Variants in GRAMD2A observed in about 807,000 individuals in gnomAD.
GRAMD2A encodes GRAM domain-containing protein 2A.
GRAMD2A carries 37 observed loss-of-function variants against 51.1 expected under a neutral mutation model. The observed-to-expected ratio is 0.72, with a 90% confidence interval of 0.56 to 0.95. The LOEUF is 0.95. Ranked by LOEUF, GRAMD2A falls within the 40% of genes least tolerant of loss-of-function variation. The pLI, the probability that GRAMD2A is intolerant of heterozygous loss-of-function variation, is 0.00. For missense variants in GRAMD2A, 414 were observed against 426.9 expected (o/e 0.97, Z 0.27); for synonymous variants, 136 against 157.1 (o/e 0.87, Z 1.01).
rs1453658661 is a variant in GRAMD2A, at chr15:72,167,808, G to A, written c.300C>T (p.Leu100=). ...VCSCALQRDF[L]LQGRLYISPN... is the part of the protein sequence containing the mutation. ...GGGAGATGTAGAGCCGGCCCTGGAG[G>A]AGGAAGTCCCTCTGGAGGGCACAGG... The change falls in exon 5 of 12, where the codon CTC becomes CTT. Residue 100 remains leucine (L), a synonymous_variant. Coordinates refer to ENST00000309731, the MANE Select transcript of GRAMD2A (RefSeq NM_001012642.3). 6.2e-7 allele frequency: 1 copy of A among 1,614,088 alleles called. No homozygotes were observed. Among genetic ancestry groups the A allele is most frequent in the Admixed American group, 1.7e-5 (1 of 60,018 alleles).
intron 4 of GRAMD2A, 50 bp from the exon 5 acceptor site, chr15:72,167,889 A>C: frequency 7.3e-7 from 1 of 1,369,602 alleles, no homozygotes; most frequent in Non-Finnish European, 1.0e-6. Flanking sequence ...CAGCCCAGGA[A>C]GCCCCAGGAC....
chr15:72,178,040 T>TTAA (rs2081668028), intron 1 of GRAMD2A, among the ~76,000 whole-genome samples: 1 of 152,164 alleles, frequency 6.6e-6, no homozygotes, highest in African/African-American at 2.4e-5. Context: ...CTTTAGCTTT[T>TTAA]AAAGGCTCCC....
intron 1 of GRAMD2A, among the ~76,000 whole-genome samples, chr15:72,180,122 G>C (rs2081685497): frequency 6.6e-6 from 1 of 152,232 alleles, no homozygotes; most frequent in South Asian, 2.1e-4. Flanking sequence ...AGTGAGAACA[G>C]TCGCCACGGA....
chr15:72,181,471 T>C (rs1474214166), intron 1 of GRAMD2A, among the ~76,000 whole-genome samples: 3 of 152,244 alleles, frequency 2.0e-5, no homozygotes, highest in African/African-American at 7.2e-5. Flanking sequence ...TCATCCTTTG[T>C]TATGTTCACA....
intron 1 of GRAMD2A, among the ~76,000 whole-genome samples, chr15:72,176,899 T>C (rs2081657446): frequency 1.4e-5 from 2 of 147,822 alleles, no homozygotes; most frequent in Non-Finnish European, 3.0e-5. Context: ...AGTCTTGCTC[T>C]GTTGCCCAGG....
Position 72,161,802 on chromosome 15 carries a change from G to T in GRAMD2A, c.*207C>A. On this transcript the variant is annotated 3_prime_UTR_variant, in exon 12 of 12. Transcript: ENST00000309731. ...GGCTTTTTGCTTGAGTCCAAAAATT[G>T]TAGAAGCCAGTTACTTTGTAAACAC... 3.5e-6 allele frequency: 2 copies of T among 575,594 alleles called. No homozygotes were observed. Among genetic ancestry groups the T allele is most frequent in the Middle Eastern group, 3.5e-4 (1 of 2,862 alleles). The allele number at this position is 575,594 out of a possible 1,614,324, so 35.7% of individuals were successfully genotyped here. A position where few individuals can be genotyped will look rare whatever the true frequency, so the allele number is the denominator to read the frequency against.
intron 1 of GRAMD2A, among the ~76,000 whole-genome samples, chr15:72,183,584 G>A (rs913702170): frequency 1.3e-4 from 20 of 151,836 alleles, no homozygotes; most frequent in African/African-American, 4.6e-4. Context: ...AATCCCAGCA[G>A]TTTGGGAGGC....
chr15:72,169,244 G>T, intron 2 of GRAMD2A: 1 of 563,940 alleles, frequency 1.8e-6, no homozygotes. Context: ...CCCCAGTGCG[G>T]GTGAGCAGCA....
chr15:72,174,905 G>T (rs1419328643), intron 1 of GRAMD2A, among the ~76,000 whole-genome samples: 2 of 151,978 alleles, frequency 1.3e-5, no homozygotes, highest in Admixed American at 1.3e-4. Context: ...CAGGCATTCT[G>T]CTCTGCACAC....
chr15:72,172,713 G>A (rs2081622850), intron 1 of GRAMD2A, among the ~76,000 whole-genome samples: 1 of 152,134 alleles, frequency 6.6e-6, no homozygotes, highest in Non-Finnish European at 1.5e-5. Flanking sequence ...TTACAGGTGT[G>A]AGCCACCATA....
At chr15:72,196,608 A>T (rs149178074) in intron 1 of GRAMD2A, among the ~76,000 whole-genome samples, 108 of 152,280 alleles carry the variant, frequency 7.1e-4, no homozygotes, top group African/African-American at 2.2e-3. Flanking sequence ...CAGCAAGGCC[A>T]TAAGTCTTTG....
intron 1 of GRAMD2A, among the ~76,000 whole-genome samples, chr15:72,172,115 C>A (rs1181362425): frequency 6.6e-6 from 1 of 151,670 alleles, no homozygotes; most frequent in African/African-American, 2.4e-5. Context: ...CATGAGCCAC[C>A]ACGCCCGGCC....
At chr15:72,190,763 T>C (rs555223250) in intron 1 of GRAMD2A, among the ~76,000 whole-genome samples, 1 of 152,296 alleles carries the variant, frequency 6.6e-6, no homozygotes, top group East Asian at 1.9e-4. Context: ...AGGAGTATGT[T>C]TCTGGGAAGA....
intron 3 of GRAMD2A, 137 bp from the exon 4 acceptor site, chr15:72,168,703 G>A: frequency 2.5e-6 from 2 of 786,346 alleles, no homozygotes; most frequent in Non-Finnish European, 4.4e-6. Flanking sequence ...TAAGCAGCCA[G>A]TGAGTATGGA....
At chr15:72,179,246 C>G (rs2081679150) in intron 1 of GRAMD2A, among the ~76,000 whole-genome samples, 1 of 152,238 alleles carries the variant, frequency 6.6e-6, no homozygotes, top group Non-Finnish European at 1.5e-5. Flanking sequence ...CTGGCCACAG[C>G]CAGCGGAACC....
At chr15:72,179,581 T>C (rs1221824381) in intron 1 of GRAMD2A, among the ~76,000 whole-genome samples, 1 of 152,176 alleles carries the variant, frequency 6.6e-6, no homozygotes, top group Non-Finnish European at 1.5e-5. Flanking sequence ...AAGATGCCCA[T>C]TAACTCCTGC....
In GRAMD2A at chr15:72,170,984, G is replaced by A. The variant is rs16953769; in HGVS notation, c.42-1045C>T. Among the ~76,000 whole-genome samples the A allele has an allele frequency of 0.2, 31,061 of 152,144 alleles. 3,358 individuals are homozygous for A. The highest frequency in any genetic ancestry group is 0.41 in the East Asian group (2,106 of 5,170). The stretch of plus-strand genomic sequence containing the variant: ...AGCCCAAGATCTGCCAGGACCCTCA[G>A]AGATTGATTCAGCCTCACCCGCTCC... On this transcript the variant is annotated intron_variant, in intron 1 of 11. Transcript: ENST00000309731. This position sits in a 1 kb window ranked among gnomAD's most constrained non-coding sequence, Gnocchi z 4.5.
chr15:72,186,436 C>T (rs1422595335), intron 1 of GRAMD2A, among the ~76,000 whole-genome samples: 6 of 151,836 alleles, frequency 4.0e-5, no homozygotes, highest in Non-Finnish European at 5.9e-5. Flanking sequence ...GCGATTCTCC[C>T]GCCTCAGCCT....
Position 72,166,604 on chromosome 15 carries a change from C to G in GRAMD2A, c.543+28G>C, listed in dbSNP as rs762380986. ...CTGCATCCAGGCCTGAGCGACTTCCCTGGCCTTCCTGCTCCCAAGCTCCAT... is the reference window on the plus strand; with the variant it reads ...CTGCATCCAGGCCTGAGCGACTTCCGTGGCCTTCCTGCTCCCAAGCTCCAT... On this transcript the variant is annotated intron_variant, in intron 7 of 11. Coordinates refer to ENST00000309731, the MANE Select transcript of GRAMD2A (RefSeq NM_001012642.3). This position sits in a 1 kb window ranked among gnomAD's most constrained non-coding sequence, Gnocchi z 4.1. 5 of 1,588,934 alleles carry G rather than the reference C, an allele frequency of 3.1e-6. No individual in the cohort carries two copies. Among genetic ancestry groups the G allele is most frequent in the Non-Finnish European group, 4.3e-6 (5 of 1,157,754 alleles).
Sources: allele counts gnomAD v4.1 joint callset (sites outside exome capture counted in the v4.1 genomes callset), GRCh38; gene constraint gnomAD v4.1.1; non-coding constraint Gnocchi (gnomAD v3.1); transcripts MANE v1.5; gene names NCBI Gene and HGNC (gene_info 2026-07-23, HGNC 2026-07-21).